FBN1: variants seen among roughly 807,000 people sequenced by gnomAD.
FBN1 encodes fibrillin 1.
In FBN1, 29 loss-of-function variants were observed where a neutral mutation model predicts 365.1. The observed-to-expected ratio is 0.08, with a 90% confidence interval of 0.06 to 0.11. FBN1 has a LOEUF of 0.11. Among genes scored for constraint, FBN1 ranks in the 10% least tolerant of loss-of-function variants. The probability of loss-of-function intolerance (pLI) is 1.00; values close to 1 mark genes in which losing one functional copy is unlikely to be tolerated. For synonymous variants in FBN1, 1,210 were observed against 1,270.5 expected (o/e 0.95, Z 1.01); for missense variants, 2,476 against 3,703.2 (o/e 0.67, Z 8.60).
chr15:48,595,104 C>T (rs1367966388), intron 6 of FBN1, among the ~76,000 whole-genome samples: 1 of 152,140 alleles, frequency 6.6e-6, no homozygotes, highest in African/African-American at 2.4e-5. Context: ...AATAGAGATA[C>T]AATGTAATTT....
intron 2 of FBN1, among the ~76,000 whole-genome samples, chr15:48,623,458 T>G (rs1277745120): frequency 6.6e-6 from 1 of 152,222 alleles, no homozygotes; most frequent in Non-Finnish European, 1.5e-5. Context: ...ATATTTTCCT[T>G]TGAGAAAATA....
intron 12 of FBN1, among the ~76,000 whole-genome samples, chr15:48,514,979 A>G (rs2043788878): frequency 6.6e-6 from 1 of 152,216 alleles, no homozygotes; most frequent in Non-Finnish European, 1.5e-5. Flanking sequence ...CCTGGATTAT[A>G]CAGGTGGCCA....
chr15:48,425,951 T>A, intron 58 of FBN1, 87 bp from the exon 59 acceptor site: 1 of 1,045,868 alleles, frequency 9.6e-7, no homozygotes, highest in Non-Finnish European at 1.5e-6. Flanking sequence ...TAAATACTAA[T>A]AAATTGTGTT....
chr15:48,444,735 A>T, intron 48 of FBN1, 75 bp from the exon 49 acceptor site: 1 of 1,506,630 alleles, frequency 6.6e-7, no homozygotes, highest in Non-Finnish European at 9.2e-7. Flanking sequence ...AATTCAAAAA[A>T]ACTAGAATGA....
intron 43 of FBN1, 119 bp from the exon 44 acceptor site, chr15:48,456,881 T>C: frequency 2.1e-6 from 2 of 952,468 alleles, no homozygotes; most frequent in Non-Finnish European, 3.3e-6. Flanking sequence ...TGCGTGCATG[T>C]GTTGGGGTGG....
In FBN1 at chr15:48,619,574, A is replaced by T. The variant is rs150711641; in HGVS notation, c.165-6482T>A. Reference sequence around the variant, plus strand: ...ATTTAGAATTAAATGTTTTGTTACCATCTCAAACTCAATTTATCCAAGATC... The same window carrying T: ...ATTTAGAATTAAATGTTTTGTTACCTTCTCAAACTCAATTTATCCAAGATC... On this transcript the variant is annotated intron_variant, in intron 2 of 65. Transcript: ENST00000316623. Among the ~76,000 whole-genome samples, 609 of 151,836 alleles carry T rather than the reference A, an allele frequency of 4.0e-3. 15 individuals are homozygous for T. Among genetic ancestry groups the T allele is most frequent in the Admixed American group, 0.033 (506 of 15,238 alleles).
At chr15:48,471,567 T>A (rs141309229) in intron 35 of FBN1, among the ~76,000 whole-genome samples, 5 of 152,308 alleles carry the variant, frequency 3.3e-5, no homozygotes, top group African/African-American at 1.2e-4. Flanking sequence ...AGGAGTTTTA[T>A]ATCAAACTCT....
chr15:48,603,196 C>G (rs1490175487), intron 4 of FBN1, among the ~76,000 whole-genome samples: 3 of 152,196 alleles, frequency 2.0e-5, no homozygotes, highest in African/African-American at 7.2e-5. Flanking sequence ...CAAACCTTTT[C>G]CAGCATAAAA....
At chr15:48,582,584 C>T (rs1315029705) in intron 6 of FBN1, among the ~76,000 whole-genome samples, 1 of 152,142 alleles carries the variant, frequency 6.6e-6, no homozygotes, top group Non-Finnish European at 1.5e-5. Flanking sequence ...ACGTGGTGGC[C>T]ACGACTTGTC....
At chr15:48,575,745 GAT>G (rs1372215060) in intron 6 of FBN1, among the ~76,000 whole-genome samples, 1 of 149,678 alleles carries the variant, frequency 6.7e-6, no homozygotes, top group African/African-American at 2.5e-5. Flanking sequence ...CCAAAGCAAA[GAT>G]ATAGAATCAA....
At chr15:48,419,988 T>C (rs2042927624) in intron 63 of FBN1, among the ~76,000 whole-genome samples, 3 of 152,238 alleles carry the variant, frequency 2.0e-5, no homozygotes, top group Admixed American at 6.5e-5. Context: ...CGTCCCTTTC[T>C]GGACTTCTAG....
chr15:48,636,174 C>T (rs1168852505), intron 2 of FBN1, among the ~76,000 whole-genome samples: 3 of 152,106 alleles, frequency 2.0e-5, no homozygotes, highest in Non-Finnish European at 4.4e-5. Context: ...TCATGCGATT[C>T]CAGGCTAAGT....
intron 6 of FBN1, among the ~76,000 whole-genome samples, chr15:48,568,607 C>G (rs1046398567): frequency 6.6e-6 from 1 of 151,960 alleles, no homozygotes; most frequent in African/African-American, 2.4e-5. Context: ...TACAAAGCAA[C>G]AGTAATCAAG....
chr15:48,508,038 T>G (rs1459929478), intron 15 of FBN1, among the ~76,000 whole-genome samples: 1 of 152,252 alleles, frequency 6.6e-6, no homozygotes, highest in East Asian at 1.9e-4. Context: ...TGTTTATTTA[T>G]TCTGCTTAAT....
intron 30 of FBN1, among the ~76,000 whole-genome samples, chr15:48,484,213 T>C (rs901381173): frequency 2.0e-5 from 3 of 152,340 alleles, no homozygotes; most frequent in African/African-American, 7.2e-5. Flanking sequence ...CTTTCTTTCA[T>C]TTAATTTATC....
chr15:48,420,204 A>G (rs1252855657), intron 63 of FBN1, among the ~76,000 whole-genome samples: 1 of 62,392 alleles, frequency 1.6e-5, no homozygotes, highest in African/African-American at 4.8e-5. Context: ...AAACAAAACA[A>G]AACAAAACAA....
intron 43 of FBN1, among the ~76,000 whole-genome samples, chr15:48,458,155 T>C (rs563148797): frequency 6.6e-6 from 1 of 152,324 alleles, no homozygotes; most frequent in East Asian, 1.9e-4. Flanking sequence ...TGTTTACTTA[T>C]TATAGTCAGG....
At chr15:48,509,352 T>C (rs566111026) in intron 14 of FBN1, among the ~76,000 whole-genome samples, 1 of 151,026 alleles carries the variant, frequency 6.6e-6, no homozygotes, top group East Asian at 1.9e-4. Context: ...TGGGAGGCAC[T>C]TGCTCTTTTA....
At chr15:48,512,581 T>C (rs1186103113) in intron 13 of FBN1, among the ~76,000 whole-genome samples, 3 of 152,162 alleles carry the variant, frequency 2.0e-5, no homozygotes, top group African/African-American at 7.2e-5. Flanking sequence ...CAGTATTTGG[T>C]TTTCTGTTCC....
Sources: allele counts gnomAD v4.1 joint callset (sites outside exome capture counted in the v4.1 genomes callset), GRCh38; gene constraint gnomAD v4.1.1; transcripts MANE v1.5; gene names NCBI Gene and HGNC (gene_info 2026-07-23, HGNC 2026-07-21).